CFAP77: variants seen among roughly 807,000 people sequenced by gnomAD.
CFAP77 encodes the protein cilia- and flagella-associated protein 77.
A neutral mutation model predicts 31.1 loss-of-function variants in CFAP77; 25 were observed. The ratio of observed to expected loss-of-function variants is 0.80; its 90% CI spans 0.59 to 1.12. The LOEUF is 1.12. CFAP77 is among the 50% of genes most tolerant of loss of function. CFAP77 has a pLI of 0.00. For missense variants in CFAP77, 377 were observed against 397.3 expected (o/e 0.95, Z 0.44); for synonymous variants, 151 against 159.9 (o/e 0.94, Z 0.42).
intron 3 of CFAP77, among the ~76,000 whole-genome samples, chr9:132,534,352 C>A (rs1852508604): frequency 6.6e-6 from 1 of 152,114 alleles, no homozygotes; most frequent in African/African-American, 2.4e-5. Flanking sequence ...GTGGCTCATG[C>A]CTGTAATCCT....
chr9:132,486,014 A>ATATATATATATATGTATG (rs1851536110), intron 1 of CFAP77, among the ~76,000 whole-genome samples: 6 of 15,132 alleles, frequency 4.0e-4, no homozygotes, highest in Non-Finnish European at 6.2e-4. Context: ...ATATATATAT[A>ATATATATATATATGTATG]TATATATATA....
chr9:132,451,387 G>A (rs941105089), intron 1 of CFAP77, among the ~76,000 whole-genome samples: 15 of 151,718 alleles, frequency 9.9e-5, no homozygotes, highest in African/African-American at 3.4e-4. Context: ...GTGGGTAGTC[G>A]GTCTGCCACA....
At chr9:132,544,278 A>G (rs545322329) in intron 5 of CFAP77, among the ~76,000 whole-genome samples, 1 of 152,230 alleles carries the variant, frequency 6.6e-6, no homozygotes, top group East Asian at 1.9e-4. Flanking sequence ...TCAAGGGAGG[A>G]ACAGGGCCGA....
At chr9:132,428,054 A>G (rs2131687378) in intron 1 of CFAP77, among the ~76,000 whole-genome samples, 1 of 150,646 alleles carries the variant, frequency 6.6e-6, no homozygotes, top group South Asian at 2.1e-4. Context: ...GCTGGAGTTC[A>G]GTGGTACAAT....
chr9:132,438,541 A>ATATATATATATATATATATATAT, intron 1 of CFAP77, among the ~76,000 whole-genome samples: 2 of 108,154 alleles, frequency 1.8e-5, no homozygotes, highest in Non-Finnish European at 3.6e-5. Context: ...ATATATATAT[A>ATATATATATATATATATATATAT]TTTTTTTTTT....
rs1375725961 is a variant in CFAP77 at position 132,499,503 on chromosome 9, CA to C, written c.428del (p.Gln143ArgfsTer15). ...VTARENLLYR[Q>X]LNDIRISDQD... ...TGCCCGGGAGAACTTGCTCTACCGT[CA>C]GCTCAATGACATCCGCATCAGTGAC... On this transcript the variant is annotated frameshift_variant, in exon 3 of 6. Transcript: ENST00000393216. LOFTEE classifies it high-confidence loss of function. The surrounding 1 kb of genome is among the most constrained non-coding windows in gnomAD (Gnocchi z 5.4). 4 of 1,614,212 alleles carry C rather than the reference CA, an allele frequency of 2.5e-6. No homozygotes were observed. Among genetic ancestry groups the C allele is most frequent in the Non-Finnish European group, 3.4e-6 (4 of 1,180,040 alleles).
At chr9:132,472,070 C>T (rs1056342476) in intron 1 of CFAP77, among the ~76,000 whole-genome samples, 25 of 152,294 alleles carry the variant, frequency 1.6e-4, no homozygotes, top group Admixed American at 1.6e-3. Flanking sequence ...AGCACCTGTG[C>T]AGACCTTTGC....
At chr9:132,450,209 T>C (rs938396273) in intron 1 of CFAP77, among the ~76,000 whole-genome samples, 12 of 149,194 alleles carry the variant, frequency 8.0e-5, no homozygotes, top group Admixed American at 2.0e-4. Context: ...GGATTACAGG[T>C]GTGAGCCACC....
intron 3 of CFAP77, among the ~76,000 whole-genome samples, chr9:132,532,484 A>G (rs1852470202): frequency 6.6e-6 from 1 of 152,230 alleles, no homozygotes; most frequent in African/African-American, 2.4e-5. Context: ...CATGGGCAGA[A>G]CTTACAAATG....
At chr9:132,535,697 G>A (rs994439497) in intron 3 of CFAP77, among the ~76,000 whole-genome samples, 11 of 150,594 alleles carry the variant, frequency 7.3e-5, no homozygotes, top group South Asian at 6.3e-4. Context: ...GGGTGGCAGC[G>A]TGAGACTCCA....
At chr9:132,561,662 C>CACACACACACA (rs1564253362) in intron 5 of CFAP77, among the ~76,000 whole-genome samples, 1 of 50,142 alleles carries the variant, frequency 2.0e-5, no homozygotes, top group Non-Finnish European at 4.0e-5. Flanking sequence ...CACACACACA[C>CACACACACACA]CCCCTCCATG....
At chr9:132,475,056 A>T (rs370364268) in intron 1 of CFAP77, among the ~76,000 whole-genome samples, 2 of 152,270 alleles carry the variant, frequency 1.3e-5, no homozygotes, top group African/African-American at 4.8e-5. Flanking sequence ...AGGAAAATGC[A>T]TCATTTCAGA....
At chr9:132,446,250 C>T (rs550229833) in intron 1 of CFAP77, among the ~76,000 whole-genome samples, 8 of 152,210 alleles carry the variant, frequency 5.3e-5, no homozygotes, top group African/African-American at 7.2e-5. Flanking sequence ...AGAGTCTGCT[C>T]GGTCGTGCCA....
rs1232521441 is a variant in CFAP77, at chr9:132,424,481, G to A, written c.195+14015G>A. 6.6e-6 allele frequency among the ~76,000 whole-genome samples: 1 copy of A among 152,192 alleles called. No individual in the cohort carries two copies. The highest frequency in any genetic ancestry group is 6.5e-5 in the Admixed American group (1 of 15,278). ...AGAAAGACCTGTGGAATTGCTGGAG[G>A]GCTGAGAAGAGGAGGGACAGGTGTA... is the stretch of plus-strand genomic sequence containing the variant. On this transcript the variant is annotated intron_variant, in intron 1 of 5. Coordinates refer to ENST00000393216, the MANE Select transcript of CFAP77 (RefSeq NM_001282957.2). This position sits in a 1 kb window ranked among gnomAD's most constrained non-coding sequence, Gnocchi z 4.1.
intron 5 of CFAP77, among the ~76,000 whole-genome samples, chr9:132,556,668 C>T (rs1754856988): frequency 6.6e-6 from 1 of 152,214 alleles, no homozygotes; most frequent in African/African-American, 2.4e-5. Flanking sequence ...CCCCGCGGTG[C>T]ACCGCCTCCA....
At chr9:132,500,440 A>T (rs148208294) in intron 3 of CFAP77, among the ~76,000 whole-genome samples, 46 of 152,342 alleles carry the variant, frequency 3.0e-4, no homozygotes, top group African/African-American at 1.1e-3. Flanking sequence ...GCACTCAACA[A>T]GTATTAGCTA....
At chr9:132,544,093 G>A (rs1037000068) in intron 5 of CFAP77, among the ~76,000 whole-genome samples, 2 of 152,200 alleles carry the variant, frequency 1.3e-5, no homozygotes, top group East Asian at 1.9e-4. Context: ...TGAAGGGACC[G>A]GTGCCTTTCT....
chr9:132,481,009 C>T lies in CFAP77; in HGVS notation c.196-17686C>T, dbSNP rs1241951929. ...CACAGCAGGCTGAGATCTGTTAGCT[C>T]GAAAGCACACTAGCACCAAACAAAA... On this transcript the variant is annotated intron_variant, in intron 1 of 5. Coordinates refer to ENST00000393216, the MANE Select transcript of CFAP77 (RefSeq NM_001282957.2). This position sits in a 1 kb window ranked among gnomAD's most constrained non-coding sequence, Gnocchi z 5.0. 3.3e-5 allele frequency among the ~76,000 whole-genome samples: 5 copies of T among 151,882 alleles called. No individual in the cohort carries two copies. The highest frequency in any genetic ancestry group is 2.9e-5 in the Non-Finnish European group (2 of 68,030).
In CFAP77 at chr9:132,462,247, G is replaced by GCTACTCTA. The variant is rs1363441911; in HGVS notation, c.196-36448_196-36447insCTACTCTA. Among the ~76,000 whole-genome samples, 557 of 152,274 alleles carry GCTACTCTA rather than the reference G, an allele frequency of 3.7e-3. 2 individuals carry two copies. Among genetic ancestry groups the GCTACTCTA allele is most frequent in the African/African-American group, 0.012 (519 of 41,550 alleles). ...CCCCAGTGCCTGTGGCTGATCTCTA[G>GCTACTCTA]GACGTGTTTCTTGTGAGTTACTCTG... is the stretch of plus-strand genomic sequence containing the variant. On this transcript the variant is annotated intron_variant, in intron 1 of 5. Coordinates refer to ENST00000393216, the MANE Select transcript of CFAP77 (RefSeq NM_001282957.2).
Sources: allele counts gnomAD v4.1 joint callset (sites outside exome capture counted in the v4.1 genomes callset), GRCh38; gene constraint gnomAD v4.1.1; non-coding constraint Gnocchi (gnomAD v3.1); transcripts MANE v1.5; gene names NCBI Gene and HGNC (gene_info 2026-07-23, HGNC 2026-07-21).